Variants in SNCAIP observed in about 807,000 individuals in gnomAD.
SNCAIP encodes synphilin-1.
A neutral mutation model predicts 86.7 loss-of-function variants in SNCAIP; 43 were observed. That is an observed-to-expected ratio of 0.50 (90% CI 0.39 to 0.64). SNCAIP has a LOEUF of 0.64. Ranked by LOEUF, SNCAIP falls within the 30% of genes least tolerant of loss-of-function variation. The pLI is 0.00. For missense variants in SNCAIP, 981 were observed against 1,103.1 expected (o/e 0.89, Z 1.57); for synonymous variants, 417 against 427.2 (o/e 0.98, Z 0.29).
intron 2 of SNCAIP, among the ~76,000 whole-genome samples, chr5:122,399,804 A>G (rs1167755020): frequency 6.6e-6 from 1 of 152,148 alleles, no homozygotes; most frequent in Non-Finnish European, 1.5e-5. Flanking sequence ...ATAATATAGG[A>G]CAATGATTCT....
intron 1 of SNCAIP, among the ~76,000 whole-genome samples, chr5:122,358,159 TTGTGTGTGTGTG>T (rs36222259): frequency 1.4e-4 from 20 of 138,090 alleles, no homozygotes; most frequent in South Asian, 5.1e-4. Context: ...ATTTGTTTCT[TTGTGTGTGTGTG>T]TGTGTGTGTG....
At chr5:122,325,020 C>T (rs1290000372) in intron 1 of SNCAIP, among the ~76,000 whole-genome samples, 2 of 152,166 alleles carry the variant, frequency 1.3e-5, no homozygotes, top group East Asian at 3.8e-4. Context: ...GGCTCAGCGG[C>T]TTACTGTGTG....
intron 1 of SNCAIP, among the ~76,000 whole-genome samples, chr5:122,353,867 G>A (rs1311737359): frequency 6.6e-6 from 1 of 152,142 alleles, no homozygotes; most frequent in Non-Finnish European, 1.5e-5. Context: ...AAGGGCCCAA[G>A]ATGAGAATGG....
chr5:122,325,969 A>G (rs1011779047), intron 1 of SNCAIP, among the ~76,000 whole-genome samples: 1 of 152,206 alleles, frequency 6.6e-6, no homozygotes, highest in Admixed American at 6.5e-5. Context: ...TGGAAGAGAA[A>G]GTTGCAGCTT....
At chr5:122,462,466 G>A (rs541475522) in intron 10 of SNCAIP, among the ~76,000 whole-genome samples, 16 of 152,142 alleles carry the variant, frequency 1.1e-4, no homozygotes, top group South Asian at 2.1e-4. Context: ...GGAATCTCTC[G>A]CACATCTTTT....
chr5:122,330,117 CTTTTTTTTTTTTTTTT>C (rs1212303157), intron 1 of SNCAIP, among the ~76,000 whole-genome samples: 1 of 96,850 alleles, frequency 1.0e-5, no homozygotes, highest in African/African-American at 4.3e-5. Flanking sequence ...AACTTCATTT[CTTTTTTTTTTTTTTTT>C]TTTTTTGAGA....
At chr5:122,331,923 G>A (rs1230395939) in intron 1 of SNCAIP, among the ~76,000 whole-genome samples, 1 of 152,194 alleles carries the variant, frequency 6.6e-6, no homozygotes, top group East Asian at 1.9e-4. Context: ...ACAGTGCCTG[G>A]CCCATAGCAG....
At chr5:122,378,200 T>G (rs1765794482) in intron 1 of SNCAIP, among the ~76,000 whole-genome samples, 1 of 146,740 alleles carries the variant, frequency 6.8e-6, no homozygotes, top group East Asian at 2.0e-4. Context: ...CTCCAGCACC[T>G]GTCGTTTCCT....
At chr5:122,360,535 C>G (rs1296472778) in intron 1 of SNCAIP, among the ~76,000 whole-genome samples, 4 of 152,194 alleles carry the variant, frequency 2.6e-5, no homozygotes, top group African/African-American at 9.7e-5. Flanking sequence ...GAATCATAAT[C>G]TTTTCTTCAC....
At chr5:122,389,819 T>C (rs1768957241) in intron 1 of SNCAIP, 1 of 151,766 alleles carries the variant, frequency 6.6e-6, no homozygotes, top group Non-Finnish European at 1.5e-5. Context: ...TATATACATA[T>C]GGGAAAAAAA....
At chr5:122,443,923 C>T (rs1283381021) in intron 7 of SNCAIP, among the ~76,000 whole-genome samples, 1 of 152,118 alleles carries the variant, frequency 6.6e-6, no homozygotes, top group Non-Finnish European at 1.5e-5. Context: ...CCAATTGTAG[C>T]CATAGAACCC....
intron 1 of SNCAIP, among the ~76,000 whole-genome samples, chr5:122,360,751 G>A (rs1261230942): frequency 6.6e-6 from 1 of 152,178 alleles, no homozygotes; most frequent in Non-Finnish European, 1.5e-5. Flanking sequence ...TCTACTTGTA[G>A]AAGAGGAGAA....
intron 10 of SNCAIP, among the ~76,000 whole-genome samples, chr5:122,455,195 T>C (rs1184507328): frequency 2.6e-5 from 4 of 152,228 alleles, no homozygotes; most frequent in African/African-American, 9.6e-5. Context: ...GAAACCTTAG[T>C]TCTTTCATGC....
chr5:122,344,418 C>G (rs1656535986), intron 1 of SNCAIP, among the ~76,000 whole-genome samples: 2 of 152,120 alleles, frequency 1.3e-5, no homozygotes, highest in African/African-American at 4.8e-5. Flanking sequence ...ATTAATCAAT[C>G]CATAATTGAG....
chr5:122,377,749 C>A (rs1230781864), intron 1 of SNCAIP, among the ~76,000 whole-genome samples: 1 of 138,722 alleles, frequency 7.2e-6, no homozygotes, highest in Non-Finnish European at 1.5e-5. Context: ...CCCATGTGAT[C>A]TCATTGTTCA....
chr5:122,418,987 C>T (rs1161863010), intron 3 of SNCAIP, among the ~76,000 whole-genome samples: 3 of 152,008 alleles, frequency 2.0e-5, no homozygotes, highest in Admixed American at 6.6e-5. Flanking sequence ...GCCCAGATTT[C>T]AGAGGGATTG....
chr5:122,449,695 TCTGA>T (rs1783306291), intron 8 of SNCAIP, 146 bp from the exon 9 acceptor site: 3 of 638,518 alleles, frequency 4.7e-6, no homozygotes, highest in African/African-American at 1.8e-5. Flanking sequence ...TAGGAAAATT[TCTGA>T]ACCTGTAAGG....
chr5:122,443,733 A>G (rs989045884), intron 7 of SNCAIP: 3 of 450,698 alleles, frequency 6.7e-6, no homozygotes, highest in African/African-American at 6.0e-5. Flanking sequence ...TGGGAAAGGC[A>G]TGCAACCTCC....
intron 1 of SNCAIP, among the ~76,000 whole-genome samples, chr5:122,380,755 G>T (rs1320039122): frequency 1.3e-5 from 2 of 151,248 alleles, no homozygotes; most frequent in African/African-American, 2.4e-5. Flanking sequence ...TGTTCTCGTT[G>T]GTTTCAAAGA....
Sources: gnomAD v4.1 joint callset for allele counts (sites outside exome capture counted in the v4.1 genomes callset) on GRCh38, gnomAD v4.1.1 for gene constraint, MANE v1.5 for transcripts, NCBI Gene and HGNC (gene_info 2026-07-23, HGNC 2026-07-21) for gene names.